LTN1: variants seen among roughly 807,000 people sequenced by gnomAD.
LTN1 encodes the protein E3 ubiquitin-protein ligase listerin.
A neutral mutation model predicts 201.2 loss-of-function variants in LTN1; 88 were observed. The ratio of observed to expected loss-of-function variants is 0.44; its 90% confidence interval spans 0.37 to 0.52. The LOEUF is 0.52. Among genes scored for constraint, LTN1 ranks in the 20% least tolerant of loss-of-function variants. LTN1 has a pLI of 0.00. For missense variants in LTN1, 1,752 were observed against 2,038.7 expected (o/e 0.86, Z 2.71); for synonymous variants, 645 against 713.5 (o/e 0.90, Z 1.53).
chr21:28,980,457 G>T lies in LTN1; in HGVS notation c.810+662C>A, dbSNP rs373752727. Among the ~76,000 whole-genome samples the T allele has an allele frequency of 3.3e-5, 5 of 150,384 alleles. No homozygotes were observed. In the East Asian group the frequency reaches 5.9e-4, roughly 18 times the overall value. On this transcript the variant is annotated intron_variant, in intron 6 of 29. Coordinates refer to ENST00000361371, the MANE Select transcript of LTN1 (RefSeq NM_015565.3). ...TACCTAATGCTAAATGACGAGTTAA[G>T]GGGTGCAGCACACCAGCATGGCACA...
Position 28,986,707 on chromosome 21 carries a change from T to G in LTN1, c.246+24A>C, listed in dbSNP as rs1223934836. 1.3e-6 allele frequency: 2 copies of G among 1,564,932 alleles called. No individual in the cohort carries two copies. Among genetic ancestry groups the G allele is most frequent in the Non-Finnish European group, 1.8e-6 (2 of 1,141,382 alleles). ...TTAACAAAGGGATTTTCTTGATAAT[T>G]TTTATGAAAACAAGAAAACTTGCTT... is the stretch of plus-strand genomic sequence containing the variant. On this transcript the variant is annotated intron_variant, in intron 2 of 29. Coordinates refer to ENST00000361371, the MANE Select transcript of LTN1 (RefSeq NM_015565.3). The surrounding 1 kb of genome is among the most constrained non-coding windows in gnomAD (Gnocchi z 4.1).
At chr21:28,942,896 C>G (rs1041223756) in intron 24 of LTN1, among the ~76,000 whole-genome samples, 2 of 152,122 alleles carry the variant, frequency 1.3e-5, no homozygotes, top group Non-Finnish European at 2.9e-5. Context: ...CAGATAAATT[C>G]CTTAAGGAAA....
At chr21:28,964,367 C>G (rs1472916962) in intron 11 of LTN1, among the ~76,000 whole-genome samples, 1 of 152,184 alleles carries the variant, frequency 6.6e-6, no homozygotes, top group East Asian at 1.9e-4. Context: ...TCTCCATCAG[C>G]AAAATGATTA....
chr21:28,967,324 T>A, intron 9 of LTN1, 145 bp from the exon 10 acceptor site: 2 of 643,042 alleles, frequency 3.1e-6, no homozygotes, highest in Non-Finnish European at 5.3e-6. Flanking sequence ...AGCACCTGTA[T>A]AGCAGGATGG....
intron 13 of LTN1, 132 bp from the exon 14 acceptor site, chr21:28,958,671 C>T (rs1002427065): frequency 3.3e-6 from 2 of 600,508 alleles, no homozygotes; most frequent in Middle Eastern, 4.6e-4. Context: ...TTTAAATTGC[C>T]ATTCAAAATT....
chr21:28,991,290 CAAAAAAA>C (rs11326324), intron 1 of LTN1, among the ~76,000 whole-genome samples: 2 of 137,520 alleles, frequency 1.5e-5, no homozygotes, highest in Admixed American at 7.3e-5. Context: ...CCCTGTCTTA[CAAAAAAA>C]AAAAAAAGAA....
In LTN1 at chr21:28,992,750, C is replaced by A; in HGVS notation, c.42+14G>T. 3.1e-6 allele frequency: 5 copies of A among 1,614,008 alleles called. No homozygotes were observed. In the South Asian group the frequency reaches 5.5e-5, roughly 18 times the overall value. On this transcript the variant is annotated intron_variant, in intron 1 of 29. Coordinates refer to ENST00000361371, the MANE Select transcript of LTN1 (RefSeq NM_015565.3). ...AGCGAGGCTCCCGGGTCGGCCGAGCCAGCCCCCGCTCACCCTCAGGTTCCC... is the reference window on the plus strand; with the variant it reads ...AGCGAGGCTCCCGGGTCGGCCGAGCAAGCCCCCGCTCACCCTCAGGTTCCC...
chr21:28,964,370 A>C (rs2084503878), intron 11 of LTN1, among the ~76,000 whole-genome samples: 1 of 152,194 alleles, frequency 6.6e-6, no homozygotes, highest in African/African-American at 2.4e-5. Flanking sequence ...CCATCAGCAA[A>C]ATGATTACAA....
chr21:28,958,176 G>A (rs925992177), intron 14 of LTN1, among the ~76,000 whole-genome samples: 11 of 151,910 alleles, frequency 7.2e-5, no homozygotes, highest in Non-Finnish European at 1.3e-4. Context: ...TTTTTTTTAA[G>A]AGATGGCATC....
At position 28,964,616 on chromosome 21, in the gene LTN1, A is replaced by G. The variant is rs933031030; in HGVS notation, c.2163+1249T>C. On this transcript the variant is annotated intron_variant, in intron 11 of 29. Coordinates refer to ENST00000361371, the MANE Select transcript of LTN1 (RefSeq NM_015565.3). ...ATGCCAGTATGAACATATCTAATGAAAGAAGCTGCCTAGCTGTAAGGAGAT... is the reference window on the plus strand; with the variant it reads ...ATGCCAGTATGAACATATCTAATGAGAGAAGCTGCCTAGCTGTAAGGAGAT... The G allele has an allele frequency of 1.9e-6, 3 of 1,549,230 alleles. No individual in the cohort carries two copies. The African/African-American group carries it at 4.1e-5, about 21-fold the overall frequency.
Position 28,953,239 on chromosome 21 carries a change from G to C in LTN1, c.3217C>G (p.Leu1073Val). ...NLRVLGNTSG[L>V]LQLLFNRSRE... ...TACCTGTTAAATAACAGCTGCAAAA[G>C]GCCCGACGTATTACCAAGTACACGT... Residue 1073 changes from leucine (L) to valine (V), a missense_variant, in exon 17 of 30, where the codon CTT becomes GTT. Transcript: ENST00000361371. The C allele has an allele frequency of 6.3e-7, 1 of 1,576,634 alleles. No homozygotes were observed. Among genetic ancestry groups the C allele is most frequent in the Non-Finnish European group, 8.6e-7 (1 of 1,167,830 alleles).
intron 12 of LTN1, 37 bp downstream of exon 12, chr21:28,960,480 A>G (rs150862971): frequency 3.3e-6 from 5 of 1,517,560 alleles, no homozygotes; most frequent in Admixed American, 1.7e-5. Context: ...GAAATGGACT[A>G]TTCCCCATTA....
rs759706921 is a variant in LTN1 at position 28,966,415 on chromosome 21, A to G, written c.2076T>C (p.Cys692=). The change falls in exon 10 of 30, where the codon TGT becomes TGC. Residue 692 remains cysteine, a synonymous_variant. Transcript: ENST00000361371. Reference sequence around the variant, plus strand: ...CTTTTTTTCTTTCCATATCATTGTCACAGCACCGGAGAGCACTGTACAAAA... The same window carrying G: ...CTTTTTTTCTTTCCATATCATTGTCGCAGCACCGGAGAGCACTGTACAAAA... ...VDILYSALRC[C]DNDMERKKVL... is the part of the protein sequence containing the mutation. The G allele has an allele frequency of 3.7e-6, 6 of 1,612,404 alleles. No homozygotes were observed. The Admixed American group carries it at 1.0e-4, about 27-fold the overall frequency.
intron 6 of LTN1, among the ~76,000 whole-genome samples, chr21:28,977,433 G>A (rs2084624631): frequency 6.6e-6 from 1 of 151,648 alleles, no homozygotes; most frequent in Admixed American, 6.6e-5. Flanking sequence ...CAGGTATTAG[G>A]ACATATCATA....
intron 15 of LTN1, among the ~76,000 whole-genome samples, 180 bp downstream of exon 15, chr21:28,957,152 T>G (rs1568843444): frequency 1.3e-5 from 2 of 152,200 alleles, no homozygotes; most frequent in African/African-American, 4.8e-5. Context: ...CCATGCCCAC[T>G]GCCACTGTCA....
In LTN1 at chr21:28,952,228, A is replaced by G; in HGVS notation, c.3276T>C (p.Ile1092=). The G allele has an allele frequency of 6.2e-7, 1 of 1,610,996 alleles. No individual in the cohort carries two copies. Among genetic ancestry groups the G allele is most frequent in the East Asian group, 2.2e-5 (1 of 44,844 alleles). The part of the protein sequence containing the change: ...REHGTLWSLI[I]AKLILSRSIS... ...TGCTTCGGGAAAGGATCAACTTAGC[A>G]ATAATAAGAGACCACAGTGTGCCAT... is the stretch of plus-strand genomic sequence containing the variant. The change falls in exon 18 of 30, where the codon ATT becomes ATC. Residue 1092 remains isoleucine (I), a synonymous_variant. Coordinates refer to ENST00000361371, the MANE Select transcript of LTN1 (RefSeq NM_015565.3).
chr21:28,960,898 C>G, intron 11 of LTN1, 192 bp from the exon 12 acceptor site: 1 of 433,350 alleles, frequency 2.3e-6, no homozygotes. Context: ...ATGTTCACTT[C>G]CACGCTTTGC....
chr21:28,972,369 A>T (rs955786438), intron 6 of LTN1, among the ~76,000 whole-genome samples: 3 of 81,952 alleles, frequency 3.7e-5, no homozygotes, highest in Admixed American at 1.2e-4. Context: ...CCACCCTCCC[A>T]CCCCCACACA....
chr21:28,981,349 C>G (rs940108138), intron 5 of LTN1, 50 bp from the exon 6 acceptor site: 1 of 1,012,256 alleles, frequency 9.9e-7, no homozygotes, highest in Non-Finnish European at 1.3e-6. Context: ...ATTAGCCAAA[C>G]TATATATCTG....
Sources: allele counts gnomAD v4.1 joint callset (sites outside exome capture counted in the v4.1 genomes callset), GRCh38; gene constraint gnomAD v4.1.1; non-coding constraint Gnocchi (gnomAD v3.1); transcripts MANE v1.5; gene names NCBI Gene and HGNC (gene_info 2026-07-23, HGNC 2026-07-21).